The following VBP1 variants were observed in gnomAD, a reference collection of about 807,000 sequenced individuals.
The protein encoded by VBP1 is VHL binding protein 1.
Under a neutral mutation model 15.5 loss-of-function variants are expected in VBP1, and 4 were observed. That is an observed-to-expected ratio of 0.26 (90% CI 0.13 to 0.59). The LOEUF (loss-of-function observed/expected upper bound fraction) is 0.59, where lower values mean the gene tolerates loss of function less well. Among genes scored for constraint, VBP1 ranks in the 20% least tolerant of loss-of-function variants. The pLI is 0.90. For synonymous variants in VBP1, 61 were observed against 52.1 expected (o/e 1.17, Z -0.74); for missense variants, 108 against 139.6 (o/e 0.77, Z 1.14).
chrX:155,200,771 G>C (rs369562833), intron 1 of VBP1, among the ~76,000 whole-genome samples: 2 of 109,429 alleles, frequency 1.8e-5, no homozygotes, highest in Non-Finnish European at 1.9e-5. Flanking sequence ...GAGCAGAACT[G>C]AAGGAAATAG....
chrX:155,199,580 G>C (rs1373294003), intron 1 of VBP1, among the ~76,000 whole-genome samples: 1 of 111,556 alleles, frequency 9.0e-6, no homozygotes, highest in South Asian at 3.8e-4. Flanking sequence ...TCACCACCAG[G>C]CCTGCCCTAA....
rs2074786155 is a variant in VBP1, at chrX:155,238,848, G to A, written c.*6G>A. 4 of 1,190,248 alleles carry A rather than the reference G, an allele frequency of 3.4e-6. No individual in the cohort carries two copies. The highest frequency in any genetic ancestry group is 4.5e-6 in the Non-Finnish European group (4 of 884,615). On this transcript the variant is annotated 3_prime_UTR_variant, in exon 6 of 6. Coordinates refer to ENST00000286428, the MANE Select transcript of VBP1 (RefSeq NM_003372.7). Reference sequence around the variant, plus strand: ...CTACCAAGAACAAAGCATAATGCTGGCAATTAAAAATGTGGTTTAGTTTTC... The same window carrying A: ...CTACCAAGAACAAAGCATAATGCTGACAATTAAAAATGTGGTTTAGTTTTC...
intron 2 of VBP1, among the ~76,000 whole-genome samples, chrX:155,210,487 G>T (rs2074640956): frequency 9.0e-6 from 1 of 111,291 alleles, no homozygotes; most frequent in Non-Finnish European, 1.9e-5. Flanking sequence ...TGTCATACAG[G>T]CGCAGTTCTG....
In VBP1 at chrX:155,235,538, T is replaced by C. The variant is rs1391317781; in HGVS notation, c.385-691T>C. On this transcript the variant is annotated intron_variant, in intron 4 of 5. Coordinates refer to ENST00000286428, the MANE Select transcript of VBP1 (RefSeq NM_003372.7). ...TGTGGCTTCCCAATTCCAGGGTACATGCATCCCTGAATGTTGGCAGTAACA... is the reference window on the plus strand; with the variant it reads ...TGTGGCTTCCCAATTCCAGGGTACACGCATCCCTGAATGTTGGCAGTAACA... 1.3e-4 allele frequency among the ~76,000 whole-genome samples: 14 copies of C among 111,344 alleles called. No homozygotes were observed. The Admixed American group carries it at 1.3e-3, about 11-fold the overall frequency.
chrX:155,228,335 A>G (rs782360678), intron 3 of VBP1, 49 bp from the exon 4 acceptor site: 2 of 1,013,125 alleles, frequency 2.0e-6, no homozygotes, highest in African/African-American at 1.9e-5. Context: ...TAACCTTGGT[A>G]TCAAACTGGC....
chrX:155,221,655 A>G (rs1282382406), intron 2 of VBP1, among the ~76,000 whole-genome samples: 1 of 112,316 alleles, frequency 8.9e-6, no homozygotes, highest in Admixed American at 9.4e-5. Flanking sequence ...TGGAGGGGCC[A>G]AGGAGGTTCA....
In VBP1 at chrX:155,216,468, G is replaced by T. The variant is rs1557309016; in HGVS notation, c.-15G>T. Reference sequence around the variant, plus strand: ...CCGGCGGCCCGGGAGGCAGTCGCGCGCTCGCATCCCCAAGATGGCGGCCGT... The same window carrying T: ...CCGGCGGCCCGGGAGGCAGTCGCGCTCTCGCATCCCCAAGATGGCGGCCGT... On this transcript the variant is annotated 5_prime_UTR_variant, in exon 1 of 6. Transcript: ENST00000286428. The T allele has an allele frequency of 2.6e-6, 3 of 1,165,275 alleles. No homozygotes were observed. Among genetic ancestry groups the T allele is most frequent in the South Asian group, 3.8e-5 (2 of 52,489 alleles).
At chrX:155,206,614 C>CT (rs1261735995) in intron 1 of VBP1, among the ~76,000 whole-genome samples, 1 of 110,332 alleles carries the variant, frequency 9.1e-6, no homozygotes, top group Non-Finnish European at 1.9e-5. Context: ...GTGCAAACAC[C>CT]TTGAAGTAAG....
Position 155,223,110 on chromosome X carries a change from C to CTTTTTTTTTTTTTTTTTTTTTTT in VBP1, c.218+2808_218+2809insTTTTTTTTTTTTTTTTTTTTTTT, listed in dbSNP as rs202157365. Among the ~76,000 whole-genome samples, 2 of 70,827 alleles carry CTTTTTTTTTTTTTTTTTTTTTTT rather than the reference C, an allele frequency of 2.8e-5. 1 individual carries two copies. The highest frequency in any genetic ancestry group is 1.2e-4 in the African/African-American group (2 of 16,059). The allele number at this position is 70,827 out of a possible 115,157, so 61.5% of individuals were successfully genotyped here. A position where few individuals can be genotyped will look rare whatever the true frequency, so the allele number is the denominator to read the frequency against. On this transcript the variant is annotated intron_variant, in intron 2 of 5. Coordinates refer to ENST00000286428, the MANE Select transcript of VBP1 (RefSeq NM_003372.7). ...GGCTCTATGTAGTTTACATGCTAGC[C>CTTTTTTTTTTTTTTTTTTTTTTT]TTTTTGTTTTTTTTTTTTTTCAATT...
chrX:155,220,178 T>TA lies in VBP1; in HGVS notation c.94-2dup. The TA allele has an allele frequency of 8.4e-7, 1 of 1,191,993 alleles. No homozygotes were observed. Among genetic ancestry groups the TA allele is most frequent in the Non-Finnish European group, 1.1e-6 (1 of 886,845 alleles). On this transcript the variant is annotated splice_region_variant and splice_polypyrimidine_tract_variant and intron_variant, in intron 1 of 5. Transcript: ENST00000286428. ...ATTTGTAAAGTATTATTTTTGATAT[T>TA]AAAGGAAGATGTAGATTCCTTCATG... is the stretch of plus-strand genomic sequence containing the variant.
intron 1 of VBP1, among the ~76,000 whole-genome samples, chrX:155,199,666 A>G (rs1353916543): frequency 8.9e-6 from 1 of 112,255 alleles, no homozygotes; most frequent in African/African-American, 3.2e-5. Context: ...GCCAAATTGT[A>G]AAGACCATTG....
At chrX:155,224,839 T>C (rs940586834) in intron 2 of VBP1, among the ~76,000 whole-genome samples, 11 of 111,989 alleles carry the variant, frequency 9.8e-5, no homozygotes, top group African/African-American at 3.6e-4. Flanking sequence ...GGATTCCTGT[T>C]TACAGATGTT....
Position 155,207,785 on chromosome X carries a change from G to C in VBP1, c.-30-1089G>C, listed in dbSNP as rs1024421930. 3.6e-5 allele frequency among the ~76,000 whole-genome samples: 4 copies of C among 111,481 alleles called. No individual in the cohort carries two copies. The Admixed American group carries it at 3.8e-4, about 11-fold the overall frequency. The stretch of plus-strand genomic sequence containing the variant: ...GTTGGGACCCTATCTCTAGTCTGTC[G>C]AGAAAATTAATGTTTCTGATTATAT... On this transcript the variant is annotated intron_variant, in intron 1 of 6. Transcript: ENST00000535916.
chrX:155,234,580 A>C (rs1379341971), intron 4 of VBP1, among the ~76,000 whole-genome samples: 1 of 111,823 alleles, frequency 8.9e-6, no homozygotes, highest in East Asian at 2.8e-4. Context: ...CTGTCCTTAC[A>C]CATTCTTTAT....
intron 1 of VBP1, among the ~76,000 whole-genome samples, chrX:155,197,933 A>T (rs2074584690): frequency 8.9e-6 from 1 of 112,468 alleles, no homozygotes; most frequent in Non-Finnish European, 1.9e-5. Flanking sequence ...GATGGGCTTA[A>T]AAAACGGCGC....
At chrX:155,206,164 T>C (rs782013167) in intron 1 of VBP1, among the ~76,000 whole-genome samples, 1 of 111,866 alleles carries the variant, frequency 8.9e-6, no homozygotes, top group South Asian at 3.7e-4. Context: ...ATTAAGAGTA[T>C]TGGAGTAGGT....
intron 2 of VBP1, among the ~76,000 whole-genome samples, chrX:155,220,567 C>G (rs999030966): frequency 2.7e-5 from 3 of 111,351 alleles, no homozygotes; most frequent in African/African-American, 9.8e-5. Context: ...CCAAAGCTTT[C>G]AAAATCATAA....
rs2074726987 is a variant in VBP1 at position 155,228,011 on chromosome X, G to A, written c.286-373G>A. Among the ~76,000 whole-genome samples the A allele has an allele frequency of 2.7e-5, 3 of 112,034 alleles. No homozygotes were observed. In the Admixed American group the frequency reaches 2.8e-4, roughly 11 times the overall value. Reference sequence around the variant, plus strand: ...GGCATGAAGCACCAATGAAATAATAGAAGAATGGCTAATTCTTACAATAAT... The same window carrying A: ...GGCATGAAGCACCAATGAAATAATAAAAGAATGGCTAATTCTTACAATAAT... On this transcript the variant is annotated intron_variant, in intron 3 of 5. Transcript: ENST00000286428.
chrX:155,222,885 C>T (rs2074696190), intron 2 of VBP1, among the ~76,000 whole-genome samples: 1 of 111,503 alleles, frequency 9.0e-6, no homozygotes, highest in Non-Finnish European at 1.9e-5. Flanking sequence ...CTCTGTTGCC[C>T]AGGCCAGAGT....
Sources: gnomAD v4.1 joint callset for allele counts (sites outside exome capture counted in the v4.1 genomes callset) on GRCh38, gnomAD v4.1.1 for gene constraint, MANE v1.5 for transcripts, NCBI Gene and HGNC (gene_info 2026-07-23, HGNC 2026-07-21) for gene names.